The following LARP1 variants were observed in gnomAD, a reference collection of about 807,000 sequenced individuals.
The protein encoded by LARP1 is la-related protein 1.
Under a neutral mutation model 122.7 loss-of-function variants are expected in LARP1, and 36 were observed. That is an observed-to-expected ratio of 0.29 (90% CI 0.22 to 0.39). LARP1 has a LOEUF of 0.39. Among genes scored for constraint, LARP1 ranks in the 10% least tolerant of loss-of-function variants. The pLI, the probability that LARP1 is intolerant of heterozygous loss-of-function variation, is 1.00. For missense variants in LARP1, 1,040 were observed against 1,403.6 expected, an observed-to-expected ratio of 0.74 and a Z score of 4.14; for synonymous variants, 539 against 528.7, an observed-to-expected ratio of 1.02 and a Z score of -0.27.
chr5:154,758,149 T>A (rs1182861323), intron 1 of LARP1, among the ~76,000 whole-genome samples: 1 of 152,126 alleles, frequency 6.6e-6, no homozygotes, highest in East Asian at 1.9e-4. Context: ...GGGTTTTAAA[T>A]CAACCGTGAC....
At chr5:154,752,603 C>T (rs1380916295), upstream of LARP1, among the ~76,000 whole-genome samples, 1 of 152,012 alleles carries the variant, frequency 6.6e-6, no homozygotes, top group Non-Finnish European at 1.5e-5. Flanking sequence ...AATGAGTAAT[C>T]ATTATGATTC....
At chr5:154,797,610 C>A (rs760782251) in intron 8 of LARP1, among the ~76,000 whole-genome samples, 6 of 151,242 alleles carry the variant, frequency 4.0e-5, no homozygotes, top group Non-Finnish European at 5.9e-5. Flanking sequence ...TCTTCCATGC[C>A]CATAATCTTA....
chr5:154,737,834 G>C (rs953217052), intron 1 of LARP1, among the ~76,000 whole-genome samples: 7 of 151,882 alleles, frequency 4.6e-5, no homozygotes, highest in Admixed American at 2.0e-4. Context: ...TTGTGAATGA[G>C]CTATCCTCAT....
chr5:154,757,548 T>TA (rs1754072391), intron 1 of LARP1, among the ~76,000 whole-genome samples: 1 of 151,894 alleles, frequency 6.6e-6, no homozygotes, highest in African/African-American at 2.4e-5. Context: ...CTGGTGCTTT[T>TA]AAAAAACTCA....
rs1758535048 is a variant in LARP1 at position 154,803,781 on chromosome 5, G to T, written c.2439+36G>T. 1 of 1,593,320 alleles carries T rather than the reference G, an allele frequency of 6.3e-7. No individual in the cohort carries two copies. The highest frequency in any genetic ancestry group is 1.1e-5 in the South Asian group (1 of 90,530). ...CCTGTCGGGCTGCTCAGAGTCTTGG[G>T]TCTACTTCATTGCATTCCAGTGCTT... On this transcript the variant is annotated intron_variant, in intron 13 of 18. Transcript: ENST00000518297. The surrounding 1 kb of genome is among the most constrained non-coding windows in gnomAD (Gnocchi z 4.4).
chr5:154,759,074 G>A (rs1343136353), intron 1 of LARP1, among the ~76,000 whole-genome samples: 1 of 152,210 alleles, frequency 6.6e-6, no homozygotes, highest in Non-Finnish European at 1.5e-5. Context: ...AACTGAGTGG[G>A]TTCAAATGCC....
chr5:154,739,130 C>G (rs2113448730), intron 1 of LARP1, among the ~76,000 whole-genome samples: 1 of 152,214 alleles, frequency 6.6e-6, no homozygotes, highest in Non-Finnish European at 1.5e-5. Flanking sequence ...ATTCTTCTGC[C>G]TCAACCTCCC....
At chr5:154,683,692 A>AT (rs1281805565) in intron 1 of LARP1, among the ~76,000 whole-genome samples, 1 of 152,188 alleles carries the variant, frequency 6.6e-6, no homozygotes, top group African/African-American at 2.4e-5. Context: ...AGGGTAGGGC[A>AT]TTTCCCAAAG....
chr5:154,755,062 G>C (rs150706944), upstream of LARP1, among the ~76,000 whole-genome samples: 1 of 151,884 alleles, frequency 6.6e-6, no homozygotes, highest in Non-Finnish European at 1.5e-5. Flanking sequence ...TCCTATCCCC[G>C]TCAGCGCCCC....
chr5:154,794,214 T>A lies in LARP1; in HGVS notation c.1184T>A (p.Leu395His). Residue 395 changes from leucine (L) to histidine (H), a missense_variant, in exon 7 of 19, where the codon CTT (leucine) becomes CAT (histidine). Coordinates refer to ENST00000518297, the MANE Select transcript of LARP1 (RefSeq NM_033551.3). ...YYFDNVSSTE[L>H]YSVDQELLKD... is the part of the protein sequence containing the mutation. ...TTTGACAATGTCAGCAGCACCGAGC[T>A]TTACAGTGTGGATCAGGAACTGCTC... 1 of 1,614,170 alleles carries A rather than the reference T, an allele frequency of 6.2e-7. No homozygotes were observed. Among genetic ancestry groups the A allele is most frequent in the Non-Finnish European group, 8.5e-7 (1 of 1,180,026 alleles).
At chr5:154,742,831 T>C (rs927201213) in intron 1 of LARP1, among the ~76,000 whole-genome samples, 3 of 151,458 alleles carry the variant, frequency 2.0e-5, no homozygotes, top group African/African-American at 7.3e-5. Flanking sequence ...AAAATTGAGG[T>C]CCCAACAAGA....
intron 1 of LARP1, among the ~76,000 whole-genome samples, chr5:154,688,778 A>G (rs772670259): frequency 1.4e-4 from 22 of 152,072 alleles, no homozygotes; most frequent in Non-Finnish European, 2.8e-4. Flanking sequence ...GTGAGCCATG[A>G]ATGCATCACT....
intron 1 of LARP1, among the ~76,000 whole-genome samples, chr5:154,783,644 A>G (rs1457390761): frequency 6.6e-6 from 1 of 151,986 alleles, no homozygotes; most frequent in East Asian, 1.9e-4. Context: ...CCTTTCCACC[A>G]TGTGTCTTGG....
chr5:154,698,026 GT>G (rs796212696), intron 1 of LARP1, among the ~76,000 whole-genome samples: 34 of 147,062 alleles, frequency 2.3e-4, no homozygotes, highest in Admixed American at 2.7e-4. Context: ...AGGTTGGGTG[GT>G]TTTTTTTTTT....
At chr5:154,769,241 A>T (rs1289421824) in intron 1 of LARP1, among the ~76,000 whole-genome samples, 1 of 152,250 alleles carries the variant, frequency 6.6e-6, no homozygotes, top group African/African-American at 2.4e-5. Context: ...TGGACCTCTC[A>T]TGACTGCTGT....
intron 1 of LARP1, among the ~76,000 whole-genome samples, chr5:154,723,685 A>G (rs1289273992): frequency 6.6e-6 from 1 of 152,252 alleles, no homozygotes; most frequent in African/African-American, 2.4e-5. Context: ...TATCAACTGC[A>G]TTATACAGAT....
At position 154,812,777 on chromosome 5, in the gene LARP1, A is replaced by G. The variant is rs536505207; in HGVS notation, c.3082-1110A>G. On this transcript the variant is annotated intron_variant, in intron 18 of 18. Coordinates refer to ENST00000518297, the MANE Select transcript of LARP1 (RefSeq NM_033551.3). ...TTGTGATCCACCTGCTTGGCCTCCC[A>G]AAGTGCTGGGAGTACAGGCATGAGC... Among the ~76,000 whole-genome samples the G allele has an allele frequency of 4.6e-5, 7 of 152,092 alleles. No individual in the cohort carries two copies. In the South Asian group the frequency reaches 1.2e-3, roughly 27 times the overall value.
intron 10 of LARP1, 140 bp from the exon 11 acceptor site, chr5:154,801,867 T>G: frequency 1.4e-6 from 1 of 726,372 alleles, no homozygotes; most frequent in Non-Finnish European, 2.2e-6. Context: ...GGATGACGCT[T>G]GTGACCTGCT....
chr5:154,755,349 C>G (rs1467186551), upstream of LARP1, among the ~76,000 whole-genome samples: 1 of 150,218 alleles, frequency 6.7e-6, no homozygotes, highest in African/African-American at 2.4e-5. Context: ...GCGTGGTCTG[C>G]TTGGCTCGCC....
Sources: gnomAD v4.1 joint callset for allele counts (sites outside exome capture counted in the v4.1 genomes callset) on GRCh38, gnomAD v4.1.1 for gene constraint, Gnocchi (gnomAD v3.1) non-coding constraint, MANE v1.5 for transcripts, NCBI Gene and HGNC (gene_info 2026-07-23, HGNC 2026-07-21) for gene names.